Variants in BRD2 observed in about 807,000 individuals in gnomAD.
BRD2 encodes bromodomain-containing protein 2.
BRD2 carries 15 observed loss-of-function variants against 79.1 expected under a neutral mutation model. The observed-to-expected ratio is 0.19, with a 90% confidence interval of 0.13 to 0.29. The LOEUF is 0.29. Ranked by LOEUF, BRD2 falls within the 10% of genes least tolerant of loss-of-function variation. The pLI, the probability that BRD2 is intolerant of heterozygous loss-of-function variation, is 1.00. For synonymous variants in BRD2, 488 were observed against 358.6 expected (o/e 1.36, Z -4.08); for missense variants, 1,053 against 991.3 (o/e 1.06, Z -0.84).
In BRD2 at chr6:32,972,224, C is replaced by G. The variant is rs1016215252; in HGVS notation, c.-675C>G. ...CCATTTCGTGCTGGAGTGGAGCAGC[C>G]TCTAGAACGAGCTGGAGGATTCTGC... On this transcript the variant is annotated 5_prime_UTR_variant, in exon 2 of 13. Transcript: ENST00000374825. The G allele has an allele frequency of 2.0e-6, 1 of 509,354 alleles. No homozygotes were observed. Among genetic ancestry groups the G allele is most frequent in the South Asian group, 2.0e-5 (1 of 50,602 alleles). 31.6% of individuals were successfully genotyped at this position (509,354 alleles called of 1,614,324 possible).
At chr6:32,975,545 T>C in intron 4 of BRD2, 24 bp downstream of exon 4, 1 of 1,610,038 alleles carries the variant, frequency 6.2e-7, no homozygotes, top group Non-Finnish European at 8.5e-7. Context: ...TGTGTTCATT[T>C]AGTAGGTGGG....
chr6:32,972,644 T>G lies in BRD2; in HGVS notation c.-255T>G. 5.0e-6 allele frequency: 3 copies of G among 600,070 alleles called. No individual in the cohort carries two copies. Among genetic ancestry groups the G allele is most frequent in the Non-Finnish European group, 8.9e-6 (3 of 337,856 alleles). 37.2% of individuals were successfully genotyped at this position (600,070 alleles called of 1,614,324 possible). A position where few individuals can be genotyped will look rare whatever the true frequency, so the allele number is the denominator to read the frequency against. On this transcript the variant is annotated 5_prime_UTR_variant, in exon 2 of 13. Coordinates refer to ENST00000374825, the MANE Select transcript of BRD2 (RefSeq NM_005104.4). ...TTTGAAGAGTCAGTCCCTCCTTAGT[T>G]GCCCGCCTCAGCTGAGGCCGCCGCC...
intron 10 of BRD2, chr6:32,979,059 TAG>T (rs35296528): frequency 0.2 from 25,358 of 126,272 alleles, 3,362 homozygotes; most frequent in Non-Finnish European, 0.26. Flanking sequence ...TTTTTTTTGT[TAG>T]TTTGTTTTTT....
Position 32,980,940 on chromosome 6 carries a change from A to G in BRD2, c.*222A>G. The G allele has an allele frequency of 5.0e-6, 3 of 596,106 alleles. No homozygotes were observed. The highest frequency in any genetic ancestry group is 8.8e-6 in the Non-Finnish European group (3 of 340,452). The allele number at this position is 596,106 out of a possible 1,614,324, so 36.9% of individuals were successfully genotyped here. ...GAATTCCCAGCCCCATTGGGGAGTGATCTCTTGGACACAGAGCCCCCATTC... is the reference window on the plus strand; with the variant it reads ...GAATTCCCAGCCCCATTGGGGAGTGGTCTCTTGGACACAGAGCCCCCATTC... On this transcript the variant is annotated 3_prime_UTR_variant, in exon 13 of 13. Transcript: ENST00000374825.
intron 2 of BRD2, among the ~76,000 whole-genome samples, chr6:32,973,283 GA>G (rs1179256695): frequency 1.3e-5 from 2 of 152,086 alleles, no homozygotes; most frequent in African/African-American, 4.8e-5. Flanking sequence ...TTTTAGGGGG[GA>G]TTCACGGACA....
At chr6:32,975,127 T>C (rs1234299111) in intron 3 of BRD2, 14 of 1,506,902 alleles carry the variant, frequency 9.3e-6, no homozygotes. Context: ...TGTCACAGGA[T>C]GGGAAGTTTC....
rs635688 is a variant in BRD2, at chr6:32,975,374, T to C, written c.334-10T>C. ...TTTCTGTGGTTCTGACCTAACATTT[T>C]TTTATTTAGGATTATCACAAAATTA... is the stretch of plus-strand genomic sequence containing the variant. On this transcript the variant is annotated splice_polypyrimidine_tract_variant and intron_variant, in intron 3 of 12. Coordinates refer to ENST00000374825, the MANE Select transcript of BRD2 (RefSeq NM_005104.4). 943,817 of 1,594,642 alleles carry C rather than the reference T, an allele frequency of 0.59. 281,995 individuals are homozygous for C. The highest frequency in any genetic ancestry group is 0.78 in the African/African-American group (57,945 of 74,180).
chr6:32,980,809 C>T lies in BRD2; in HGVS notation c.*91C>T, dbSNP rs1364667732. On this transcript the variant is annotated 3_prime_UTR_variant, in exon 13 of 13. Transcript: ENST00000374825. Reference sequence around the variant, plus strand: ...TGCCCCTTCCCCCTTTGCTGTGACACTTCTTCATCTCACCCCCCCCCGCCC... The same window carrying T: ...TGCCCCTTCCCCCTTTGCTGTGACATTTCTTCATCTCACCCCCCCCCGCCC... The T allele has an allele frequency of 2.7e-6, 4 of 1,469,476 alleles. No individual in the cohort carries two copies. The highest frequency in any genetic ancestry group is 2.9e-5 in the African/African-American group (2 of 69,836). 91.0% of individuals were successfully genotyped at this position (1,469,476 alleles called of 1,614,324 possible). A position where few individuals can be genotyped will look rare whatever the true frequency, so the allele number is the denominator to read the frequency against.
At position 32,971,852 on chromosome 6, in the gene BRD2, G is replaced by GC. The variant is rs1297285349; in HGVS notation, c.-1046dup. On this transcript the variant is annotated 5_prime_UTR_variant, in exon 2 of 13. An upstream open reading frame in the 5' UTR gains an earlier in-frame stop. Transcript: ENST00000374825. ...TGGAGGCTCTGGGGCGATGGCTTCC[G>GC]CACCTCTTCCAACCACCCTCTTTCC... 1 of 695,242 alleles carries GC rather than the reference G, an allele frequency of 1.4e-6. No individual in the cohort carries two copies. Among genetic ancestry groups the GC allele is most frequent in the African/African-American group, 1.8e-5 (1 of 57,102 alleles). 43.1% of individuals were successfully genotyped at this position (695,242 alleles called of 1,614,324 possible).
Position 32,972,276 on chromosome 6 carries a change from C to A in BRD2, c.-623C>A. 1 of 426,618 alleles carries A rather than the reference C, an allele frequency of 2.3e-6. No individual in the cohort carries two copies. Among genetic ancestry groups the A allele is most frequent in the Non-Finnish European group, 4.4e-6 (1 of 226,900 alleles). 26.4% of individuals were successfully genotyped at this position (426,618 alleles called of 1,614,324 possible). On this transcript the variant is annotated 5_prime_UTR_variant, in exon 2 of 13. Coordinates refer to ENST00000374825, the MANE Select transcript of BRD2 (RefSeq NM_005104.4). ...TACCGATACAGAGCCTTCGAGTCGT[C>A]CGGGGCCGCCATTACAATCCACCTC...
In BRD2 at chr6:32,972,106, G is replaced by C; in HGVS notation, c.-793G>C. On this transcript the variant is annotated 5_prime_UTR_variant, in exon 2 of 13. Transcript: ENST00000374825. ...TGAGCGAGCGCGCGCGCGCGGAGGGGGTGGGGAAAAGCTCAAGCAGGGTGG... is the reference window on the plus strand; with the variant it reads ...TGAGCGAGCGCGCGCGCGCGGAGGGCGTGGGGAAAAGCTCAAGCAGGGTGG... 1 of 692,796 alleles carries C rather than the reference G, an allele frequency of 1.4e-6. No individual in the cohort carries two copies. Among genetic ancestry groups the C allele is most frequent in the South Asian group, 1.5e-5 (1 of 66,238 alleles). The allele number at this position is 692,796 out of a possible 1,614,324, so 42.9% of individuals were successfully genotyped here. A position where few individuals can be genotyped will look rare whatever the true frequency, so the allele number is the denominator to read the frequency against.
At chr6:32,977,317 G>A in intron 7 of BRD2, 125 bp from the exon 8 acceptor site, 1 of 1,602,986 alleles carries the variant, frequency 6.2e-7, no homozygotes, top group South Asian at 1.1e-5. Context: ...GAACCCCAGG[G>A]CACAGATCCT....
At position 32,976,108 on chromosome 6, in the gene BRD2, A is replaced by G; in HGVS notation, c.549A>G (p.Glu183=). ...AGAAGGTTGCATCAATGCCACAAGA[A>G]GAACAAGAGCTGGTAGTGACCATCC... ...FLQKVASMPQ[E]EQELVVTIPK... is the part of the protein sequence containing the mutation. Residue 183 remains glutamate (E), a synonymous_variant, in exon 5 of 13, where the codon GAA becomes GAG. Coordinates refer to ENST00000374825, the MANE Select transcript of BRD2 (RefSeq NM_005104.4). 6.2e-7 allele frequency: 1 copy of G among 1,613,076 alleles called. No homozygotes were observed. The highest frequency in any genetic ancestry group is 8.5e-7 in the Non-Finnish European group (1 of 1,180,022).
At chr6:32,977,085 T>C (rs1778861500) in intron 7 of BRD2, 149 bp downstream of exon 7, 2 of 1,268,420 alleles carry the variant, frequency 1.6e-6, no homozygotes, top group African/African-American at 1.5e-5. Context: ...GGTCTGGTGT[T>C]TTGAGAATTT....
intron 4 of BRD2, among the ~76,000 whole-genome samples, chr6:32,975,822 TTTC>T (rs3873454): frequency 0.048 from 7,265 of 152,260 alleles, 387 homozygotes; most frequent in African/African-American, 0.13. Flanking sequence ...TCTCAAGTTT[TTTC>T]TTCTTTCGAA....
rs1254507292 is a variant in BRD2, at chr6:32,981,302, A to G, written c.*584A>G. The G allele has an allele frequency of 1.3e-5, 2 of 152,182 alleles. No individual in the cohort carries two copies. The highest frequency in any genetic ancestry group is 2.4e-5 in the African/African-American group (1 of 41,400). The allele number at this position is 152,182 out of a possible 1,614,324, so 9.4% of individuals were successfully genotyped here. On this transcript the variant is annotated 3_prime_UTR_variant, in exon 13 of 13. Transcript: ENST00000374825. Reference sequence around the variant, plus strand: ...ATTCTAACTTGTAAATAAAGAAAATATTATTCAAGTTTTGAGTTACCTTAA... The same window carrying G: ...ATTCTAACTTGTAAATAAAGAAAATGTTATTCAAGTTTTGAGTTACCTTAA...
In BRD2 at chr6:32,968,996, A is replaced by G. The variant is rs1777705135; in HGVS notation, c.-1365A>G. On this transcript the variant is annotated 5_prime_UTR_variant, in exon 1 of 13. Coordinates refer to ENST00000374825, the MANE Select transcript of BRD2 (RefSeq NM_005104.4). ...TGGGGGGGGGTTGACACCCCGGATTACATACCCCGTACCAAGCCGAGGGCA... is the reference window on the plus strand; with the variant it reads ...TGGGGGGGGGTTGACACCCCGGATTGCATACCCCGTACCAAGCCGAGGGCA... 8.3e-6 allele frequency: 2 copies of G among 241,640 alleles called. No individual in the cohort carries two copies. The highest frequency in any genetic ancestry group is 1.6e-5 in the Non-Finnish European group (2 of 123,256). 15.0% of individuals were successfully genotyped at this position (241,640 alleles called of 1,614,324 possible).
intron 7 of BRD2, 145 bp downstream of exon 7, chr6:32,977,081 G>A: frequency 7.8e-7 from 1 of 1,278,064 alleles, no homozygotes; most frequent in Non-Finnish European, 1.1e-6. Flanking sequence ...AGAAGGTCTG[G>A]TGTTTTGAGA....
chr6:32,972,602 G>C lies in BRD2; in HGVS notation c.-297G>C. The C allele has an allele frequency of 1.8e-6, 1 of 557,374 alleles. No homozygotes were observed. Among genetic ancestry groups the C allele is most frequent in the Non-Finnish European group, 3.2e-6 (1 of 312,826 alleles). 34.5% of individuals were successfully genotyped at this position (557,374 alleles called of 1,614,324 possible). ...GCGGGCTATATTGACGACGGTGTCT[G>C]AGATCGGGGACCGTCTTTTGAAGAG... On this transcript the variant is annotated 5_prime_UTR_variant, in exon 2 of 13. Transcript: ENST00000374825.
Sources: gnomAD v4.1 joint callset for allele counts (sites outside exome capture counted in the v4.1 genomes callset) on GRCh38, gnomAD v4.1.1 for gene constraint, MANE v1.5 for transcripts, NCBI Gene and HGNC (gene_info 2026-07-23, HGNC 2026-07-21) for gene names.